The following SMPD3 variants were observed in gnomAD, a reference collection of about 807,000 sequenced individuals.
SMPD3 encodes sphingomyelin phosphodiesterase 3, also known as nSMase-2.
A neutral mutation model predicts 55.7 loss-of-function variants in SMPD3; 21 were observed. The observed-to-expected ratio is 0.38, with a 90% CI of 0.27 to 0.54. The LOEUF is 0.54. SMPD3 is among the 20% of genes least tolerant of loss of function. The probability of loss-of-function intolerance (pLI) is 0.80; values close to 1 mark genes in which losing one functional copy is unlikely to be tolerated. For missense variants in SMPD3, 842 were observed against 899.6 expected (o/e 0.94, Z 0.82); for synonymous variants, 457 against 404.3 (o/e 1.13, Z -1.56).
At chr16:68,372,668 C>T (rs1025308233) in intron 2 of SMPD3, among the ~76,000 whole-genome samples, 1 of 152,206 alleles carries the variant, frequency 6.6e-6, no homozygotes, top group African/African-American at 2.4e-5. Context: ...GAAAAATGGT[C>T]CTGGTTTTCA....
chr16:68,413,834 C>G (rs1225961377), intron 1 of SMPD3, among the ~76,000 whole-genome samples: 3 of 152,206 alleles, frequency 2.0e-5, no homozygotes, highest in African/African-American at 4.8e-5. Context: ...CCCTGACCAG[C>G]TGCTACACAC....
At position 68,365,074 on chromosome 16, in the gene SMPD3, G is replaced by A. The variant is rs542551484; in HGVS notation, c.1342C>T (p.Pro448Ser). ...TACCCGACGATTCTTTGGTCCTGAG[G>A]TGTGCTTCCCACCTGCACCTGGGGG... ...LFLKVQVGST[P>S]QDQRIVGYIA... The change falls in exon 4 of 9, where the codon CCT becomes TCT. Residue 448 changes from proline (P) to serine (S), a missense_variant. By Grantham distance (74) the Pro-to-Ser change is moderately conservative. Coordinates refer to ENST00000219334, the MANE Select transcript of SMPD3 (RefSeq NM_018667.4). 14 of 1,614,088 alleles carry A rather than the reference G, an allele frequency of 8.7e-6. No individual in the cohort carries two copies. In the South Asian group the frequency reaches 1.5e-4, roughly 18 times the overall value.
rs2089234992 is a variant in SMPD3 at position 68,361,126 on chromosome 16, G to A, written c.*80C>T. On this transcript the variant is annotated 3_prime_UTR_variant, in exon 9 of 9. Transcript: ENST00000219334. ...TCCCTGCCCTCCTCCCCCAAGCACCGGGCACTCGATGGAGGGGACATGGCC... is the reference window on the plus strand; with the variant it reads ...TCCCTGCCCTCCTCCCCCAAGCACCAGGCACTCGATGGAGGGGACATGGCC... The A allele has an allele frequency of 9.1e-6, 12 of 1,315,552 alleles. No individual in the cohort carries two copies. Among genetic ancestry groups the A allele is most frequent in the Non-Finnish European group, 1.2e-5 (11 of 936,738 alleles). 81.5% of individuals were successfully genotyped at this position (1,315,552 alleles called of 1,614,324 possible). A position where few individuals can be genotyped will look rare whatever the true frequency, so the allele number is the denominator to read the frequency against.
At chr16:68,419,194 C>G (rs906818313) in intron 1 of SMPD3, among the ~76,000 whole-genome samples, 1 of 152,080 alleles carries the variant, frequency 6.6e-6, no homozygotes, top group African/African-American at 2.4e-5. Context: ...TTAGGAGGGT[C>G]GGGGGGTCTT....
chr16:68,372,757 C>T lies in SMPD3; in HGVS notation c.-206-370G>A, dbSNP rs531144005. 5.4e-4 allele frequency among the ~76,000 whole-genome samples: 82 copies of T among 152,276 alleles called. 2 individuals carry two copies. Among genetic ancestry groups the T allele is most frequent in the South Asian group, 3.5e-3 (17 of 4,824 alleles). On this transcript the variant is annotated intron_variant, in intron 2 of 8. Coordinates refer to ENST00000219334, the MANE Select transcript of SMPD3 (RefSeq NM_018667.4). ...GCCTGGGCCCACCCTGACCGGGGGC[C>T]GCCGGAAGCCCATCAGGAGCCAGGG...
intron 7 of SMPD3, among the ~76,000 whole-genome samples, chr16:68,362,186 C>T (rs2089310084): frequency 6.6e-6 from 1 of 152,212 alleles, no homozygotes; most frequent in South Asian, 2.1e-4. Context: ...AGGAGAGCAC[C>T]TCTGAGGAGT....
intron 1 of SMPD3, among the ~76,000 whole-genome samples, chr16:68,407,157 T>C (rs1265279852): frequency 2.0e-5 from 3 of 152,186 alleles, no homozygotes; most frequent in Non-Finnish European, 2.9e-5. Flanking sequence ...ACACTGTAAT[T>C]ACTGCTTAAC....
At chr16:68,380,444 A>G (rs923334805) in intron 2 of SMPD3, among the ~76,000 whole-genome samples, 68 of 152,310 alleles carry the variant, frequency 4.5e-4, no homozygotes, top group Admixed American at 2.5e-3. Flanking sequence ...AAGGCCTCCA[A>G]CCTCAAGTGC....
chr16:68,392,215 T>G (rs2090117556), intron 1 of SMPD3, among the ~76,000 whole-genome samples: 1 of 152,198 alleles, frequency 6.6e-6, no homozygotes, highest in Non-Finnish European at 1.5e-5. Context: ...TTTTCAATGG[T>G]GCAAAAGTAA....
intron 3 of SMPD3, among the ~76,000 whole-genome samples, chr16:68,367,036 T>C (rs960626726): frequency 1.3e-5 from 2 of 148,182 alleles, no homozygotes; most frequent in Admixed American, 1.3e-4. Flanking sequence ...TAGCTGGGTG[T>C]GCATGCCTGT....
In SMPD3 at chr16:68,361,772, G is replaced by A. The variant is rs56899435; in HGVS notation, c.1710-13C>T. On this transcript the variant is annotated splice_polypyrimidine_tract_variant and intron_variant, in intron 7 of 8. Coordinates refer to ENST00000219334, the MANE Select transcript of SMPD3 (RefSeq NM_018667.4). The stretch of plus-strand genomic sequence containing the variant: ...ACTCTCCAGGACCCTGTCCACACAT[G>A]CAGGAGGCAGGTGGGCCCCCATGCC... The A allele has an allele frequency of 0.12, 197,758 of 1,609,664 alleles. 12,902 individuals carry two copies. Among genetic ancestry groups the A allele is most frequent in the South Asian group, 0.16 (14,943 of 91,026 alleles).
At chr16:68,427,810 C>T (rs777914015) in intron 1 of SMPD3, among the ~76,000 whole-genome samples, 5 of 151,686 alleles carry the variant, frequency 3.3e-5, no homozygotes, top group Admixed American at 6.6e-5. Flanking sequence ...GCTGAAACAT[C>T]GAATCAGAGA....
chr16:68,420,538 C>T (rs986990636), intron 1 of SMPD3, among the ~76,000 whole-genome samples: 2 of 152,152 alleles, frequency 1.3e-5, no homozygotes, highest in Admixed American at 1.3e-4. Context: ...CAGGGAGGGG[C>T]GTTTTATTGC....
chr16:68,414,655 A>G (rs2090325921), intron 1 of SMPD3, among the ~76,000 whole-genome samples: 1 of 152,252 alleles, frequency 6.6e-6, no homozygotes, highest in African/African-American at 2.4e-5. Context: ...TGTAGGGGAA[A>G]GTGCTGGCTC....
Position 68,361,202 on chromosome 16 carries a change from C to T in SMPD3, c.*4G>A, listed in dbSNP as rs761757160. ...CTGGCAGAGGCCCCGCTGCTCCGGA[C>T]GGTCTATGCCTCCTCCTCCCCCGAA... On this transcript the variant is annotated 3_prime_UTR_variant, in exon 9 of 9. Coordinates refer to ENST00000219334, the MANE Select transcript of SMPD3 (RefSeq NM_018667.4). The T allele has an allele frequency of 6.9e-5, 112 of 1,612,618 alleles. No individual in the cohort carries two copies. The highest frequency in any genetic ancestry group is 5.7e-5 in the Non-Finnish European group (67 of 1,179,434).
intron 1 of SMPD3, among the ~76,000 whole-genome samples, chr16:68,415,042 C>G (rs114531379): frequency 6.6e-6 from 1 of 151,962 alleles, no homozygotes; most frequent in East Asian, 1.9e-4. Flanking sequence ...GTCAGAGATG[C>G]GCAGGTGACA....
At chr16:68,420,434 T>C (rs1444879921) in intron 1 of SMPD3, among the ~76,000 whole-genome samples, 1 of 152,224 alleles carries the variant, frequency 6.6e-6, no homozygotes, top group Non-Finnish European at 1.5e-5. Flanking sequence ...GATCTTCCAG[T>C]TGGCTCCCTC....
chr16:68,388,088 G>A (rs899264279), intron 1 of SMPD3, among the ~76,000 whole-genome samples: 4 of 152,186 alleles, frequency 2.6e-5, no homozygotes, highest in African/African-American at 9.7e-5. Context: ...GGATGGCCAC[G>A]GCCAGGACCA....
intron 2 of SMPD3, among the ~76,000 whole-genome samples, chr16:68,383,211 A>C (rs2089986498): frequency 6.6e-6 from 1 of 152,196 alleles, no homozygotes. Context: ...AAGCTGGCTC[A>C]AGTCATCCCT....
Sources: allele counts gnomAD v4.1 joint callset (sites outside exome capture counted in the v4.1 genomes callset), GRCh38; gene constraint gnomAD v4.1.1; transcripts MANE v1.5; gene names NCBI Gene and HGNC (gene_info 2026-07-23, HGNC 2026-07-21).